Variants in FLNB observed in about 807,000 individuals in gnomAD.
FLNB encodes filamin-B.
A neutral mutation model predicts 250.6 loss-of-function variants in FLNB; 111 were observed. The observed-to-expected ratio is 0.44, with a 90% confidence interval of 0.38 to 0.52. FLNB has a LOEUF of 0.52. Among genes scored for constraint, FLNB ranks in the 20% least tolerant of loss-of-function variants. The probability of loss-of-function intolerance (pLI) is 0.00; values close to 1 mark genes in which losing one functional copy is unlikely to be tolerated. For missense variants in FLNB, 2,869 were observed against 3,447.8 expected, an observed-to-expected ratio of 0.83 and a Z score of 4.20; for synonymous variants, 1,302 against 1,372.1, an observed-to-expected ratio of 0.95 and a Z score of 1.13.
intron 39 of FLNB, 124 bp from the exon 40 acceptor site, chr3:58,154,667 G>A (rs966101652): frequency 2.9e-6 from 3 of 1,018,566 alleles, no homozygotes; most frequent in African/African-American, 3.2e-5. Context: ...TTCTGCTTGG[G>A]GTTGGAGAAA....
At chr3:58,118,346 G>T (rs1265136385) in intron 18 of FLNB, among the ~76,000 whole-genome samples, 1 of 152,222 alleles carries the variant, frequency 6.6e-6, no homozygotes, top group Non-Finnish European at 1.5e-5. Context: ...GGACAGAAAT[G>T]GTTCTGTTTG....
intron 18 of FLNB, among the ~76,000 whole-genome samples, chr3:58,113,723 A>G (rs906621579): frequency 2.6e-5 from 4 of 152,170 alleles, no homozygotes; most frequent in African/African-American, 7.2e-5. Flanking sequence ...CTGTTGCCCA[A>G]GCTGGAGTGC....
chr3:58,072,225 GGGAATTGTTATTGGCT>G (rs1186599749), intron 1 of FLNB, among the ~76,000 whole-genome samples: 4 of 152,134 alleles, frequency 2.6e-5, no homozygotes, highest in Non-Finnish European at 4.4e-5. Context: ...CCAGTTATGT[GGGAATTGTTATTGGCT>G]GGATTTGGGG....
intron 1 of FLNB, among the ~76,000 whole-genome samples, chr3:58,056,957 A>G (rs2097171540): frequency 6.6e-6 from 1 of 151,792 alleles, no homozygotes; most frequent in Non-Finnish European, 1.5e-5. Context: ...AATTCTTGGG[A>G]TGTGAGAAAA....
At chr3:58,033,163 A>T (rs114588239) in intron 1 of FLNB, among the ~76,000 whole-genome samples, 2,216 of 152,138 alleles carry the variant, frequency 0.015, 26 homozygotes, top group South Asian at 0.023. Context: ...TTATACACAC[A>T]CTCCTGTGTA....
Position 58,096,140 on chromosome 3 carries a change from G to A in FLNB, c.907-1G>A. 1 of 1,613,214 alleles carries A rather than the reference G, an allele frequency of 6.2e-7. No homozygotes were observed. Among genetic ancestry groups the A allele is most frequent in the Non-Finnish European group, 8.5e-7 (1 of 1,179,376 alleles). On this transcript the variant is annotated splice_acceptor_variant, in intron 5 of 45. Coordinates refer to ENST00000295956, the MANE Select transcript of FLNB (RefSeq NM_001457.4). LOFTEE classifies it high-confidence loss of function. ...TAACTGTTGCCCACCTTCCCTCCTAGGCACAAGTGACCCCTGACAGTGACA... is the reference window on the plus strand; with the variant it reads ...TAACTGTTGCCCACCTTCCCTCCTAAGCACAAGTGACCCCTGACAGTGACA...
At chr3:58,018,646 G>A (rs573705942) in intron 1 of FLNB, among the ~76,000 whole-genome samples, 45 of 152,156 alleles carry the variant, frequency 3.0e-4, no homozygotes, top group Non-Finnish European at 4.9e-4. Flanking sequence ...CTCTCCAGTA[G>A]CTGGGATTAC....
At chr3:58,029,341 C>T (rs1016841416) in intron 1 of FLNB, among the ~76,000 whole-genome samples, 1 of 152,022 alleles carries the variant, frequency 6.6e-6, no homozygotes, top group Non-Finnish European at 1.5e-5. Context: ...CAGAATTAGG[C>T]CTCTAAAAAG....
intron 1 of FLNB, among the ~76,000 whole-genome samples, chr3:58,046,389 T>A (rs545286825): frequency 6.6e-6 from 1 of 152,170 alleles, no homozygotes; most frequent in African/African-American, 2.4e-5. Flanking sequence ...ATTCACCCTT[T>A]TAAAGTATGC....
intron 2 of FLNB, chr3:58,078,192 TC>T: frequency 2.8e-6 from 3 of 1,082,018 alleles, no homozygotes; most frequent in Non-Finnish European, 3.6e-6. Flanking sequence ...AATATCCTCT[TC>T]TTTACTTCCA....
Position 58,078,702 on chromosome 3 carries a change from G to A in FLNB, c.542-15G>A, listed in dbSNP as rs2097204975. 6.2e-7 allele frequency: 1 copy of A among 1,607,428 alleles called. No individual in the cohort carries two copies. ...TCAGCTAATGCTAAAAGAATCTTTT[G>A]TGTTCTGTTAACAGGTCTGTGCCCA... On this transcript the variant is annotated splice_polypyrimidine_tract_variant and intron_variant, in intron 2 of 45. Coordinates refer to ENST00000295956, the MANE Select transcript of FLNB (RefSeq NM_001457.4).
intron 24 of FLNB, among the ~76,000 whole-genome samples, chr3:58,128,957 G>A (rs990628045): frequency 6.6e-6 from 1 of 152,160 alleles, no homozygotes; most frequent in African/African-American, 2.4e-5. Context: ...AACTTTCCCA[G>A]GCAGAGATAT....
Position 58,123,502 on chromosome 3 carries a change from A to T in FLNB, c.3536A>T (p.Glu1179Val). ...GTCTCGGACTCGGGAACAAAAGCCG[A>T]AGTCAGTATTCAGAACAACAAAGAT... Reference protein sequence around the residue: ...EAVSDSGTKAEVSIQNNKDGT... With the variant: ...EAVSDSGTKAVVSIQNNKDGT... The change falls in exon 21 of 46, where the codon GAA becomes GTA. Residue 1179 changes from glutamate to valine, a missense_variant. Around this residue, in one of 5 missense-constraint regions of FLNB, gnomAD observed 1,348 missense variants for 1,466.7 expected, o/e 0.92. Transcript: ENST00000295956. 1 of 1,603,978 alleles carries T rather than the reference A, an allele frequency of 6.2e-7. No individual in the cohort carries two copies. Among genetic ancestry groups the T allele is most frequent in the Non-Finnish European group, 8.5e-7 (1 of 1,174,004 alleles).
intron 29 of FLNB, among the ~76,000 whole-genome samples, chr3:58,138,906 T>C (rs1206207445): frequency 3.3e-5 from 5 of 152,354 alleles, no homozygotes; most frequent in Non-Finnish European, 7.3e-5. Flanking sequence ...TTCATGGCCA[T>C]TCTCCATGGC....
intron 1 of FLNB, among the ~76,000 whole-genome samples, chr3:58,044,337 C>T (rs77493781): frequency 0.041 from 6,200 of 152,164 alleles, 402 homozygotes; most frequent in African/African-American, 0.14. Context: ...CGTGTCATGC[C>T]TCTATACCCA....
chr3:58,119,420 G>A (rs146702689), intron 19 of FLNB, among the ~76,000 whole-genome samples: 7 of 152,296 alleles, frequency 4.6e-5, no homozygotes, highest in African/African-American at 1.4e-4. Flanking sequence ...CTAAGGTTGC[G>A]AGTCAAGCAT....
Position 58,104,127 on chromosome 3 carries a change from C to T in FLNB, c.1610+42C>T, listed in dbSNP as rs755365697. 24 of 1,606,484 alleles carry T rather than the reference C, an allele frequency of 1.5e-5. 1 individual carries two copies. The highest frequency in any genetic ancestry group is 8.8e-5 in the South Asian group (8 of 90,818). On this transcript the variant is annotated intron_variant, in intron 10 of 45. Coordinates refer to ENST00000295956, the MANE Select transcript of FLNB (RefSeq NM_001457.4). ...AGAGGGGTCTTCTCTGGAGGGTGCT[C>T]GGCCCAGGGCGGACTCATGGGTAGT...
intron 1 of FLNB, among the ~76,000 whole-genome samples, chr3:58,060,769 CAAAAAAAAAAAAAAA>C (rs71091334): frequency 6.2e-5 from 4 of 64,214 alleles, no homozygotes; most frequent in Admixed American, 2.2e-4. Context: ...GACCTTGTCT[CAAAAAAAAAAAAAAA>C]AAAAAAAAAA....
chr3:58,154,948 A>C lies in FLNB; in HGVS notation c.6772+20A>C. 6.2e-7 allele frequency: 1 copy of C among 1,612,454 alleles called. No individual in the cohort carries two copies. Among genetic ancestry groups the C allele is most frequent in the Non-Finnish European group, 8.5e-7 (1 of 1,178,492 alleles). On this transcript the variant is annotated intron_variant, in intron 40 of 45. Transcript: ENST00000295956. ...AGCCTGGTATGTATTCAGGGTTCAC[A>C]AGAGGACATTTTCCTTGTTTGAACA...
Sources: allele counts gnomAD v4.1 joint callset (sites outside exome capture counted in the v4.1 genomes callset), GRCh38; gene constraint gnomAD v4.1.1; regional missense constraint gnomAD v4.1.1; transcripts MANE v1.5; gene names NCBI Gene and HGNC (gene_info 2026-07-23, HGNC 2026-07-21).